WNK3: variants seen among roughly 807,000 people sequenced by gnomAD.
WNK3 encodes the protein serine/threonine-protein kinase WNK3.
WNK3 carries 18 observed loss-of-function variants against 116.7 expected under a neutral mutation model. The ratio of observed to expected loss-of-function variants is 0.15; its 90% CI spans 0.11 to 0.23. The LOEUF (loss-of-function observed/expected upper bound fraction) is 0.23, where lower values mean the gene tolerates loss of function less well. Among genes scored for constraint, WNK3 ranks in the 10% least tolerant of loss-of-function variants. The probability of loss-of-function intolerance (pLI) is 1.00; values close to 1 mark genes in which losing one functional copy is unlikely to be tolerated. For missense variants in WNK3, 993 were observed against 1,323.8 expected (o/e 0.75, Z 3.88); for synonymous variants, 404 against 469.4 (o/e 0.86, Z 1.80).
rs781816616 is a variant in WNK3 at position 54,331,545 on chromosome X, A to C, written c.537+1592T>G. ...CAATGTATACCATATAAAATTCTTAAAGGGTAAAAAGCAGGTGAGAAGAAA... is the reference window on the plus strand; with the variant it reads ...CAATGTATACCATATAAAATTCTTACAGGGTAAAAAGCAGGTGAGAAGAAA... On this transcript the variant is annotated intron_variant, in intron 2 of 23. Coordinates refer to ENST00000354646, the Ensembl canonical transcript of WNK3. Among the ~76,000 whole-genome samples the C allele has an allele frequency of 1.5e-4, 17 of 111,289 alleles. No homozygotes were observed. In the East Asian group the frequency reaches 4.5e-3, roughly 29 times the overall value.
intron 10 of WNK3, among the ~76,000 whole-genome samples, chrX:54,268,254 A>T (rs2068339690): frequency 9.0e-6 from 1 of 110,557 alleles, no homozygotes; most frequent in Admixed American, 9.7e-5. Context: ...GGCTGAGGCG[A>T]GGGGATCGCT....
Position 54,305,028 on chromosome X carries a change from G to A in WNK3, c.1089+2894C>T, listed in dbSNP as rs141982441. Among the ~76,000 whole-genome samples, 529 of 109,439 alleles carry A rather than the reference G, an allele frequency of 4.8e-3. 2 individuals are homozygous for A. The highest frequency in any genetic ancestry group is 0.016 in the African/African-American group (489 of 30,026). On this transcript the variant is annotated intron_variant, in intron 5 of 23. Transcript: ENST00000354646. ...TAGCCAGGTGTGGAGGCGCATGCCC[G>A]TAATCCCAGCTACTTGGGAGGCTGA...
At chrX:54,238,216 G>A in intron 19 of WNK3, 126 bp downstream of exon 19, 1 of 823,696 alleles carries the variant, frequency 1.2e-6, no homozygotes, top group South Asian at 3.3e-5. Context: ...TGGGCAACAA[G>A]AGTGAAACTC....
At chrX:54,346,800 T>TATA (rs1557177701) in intron 1 of WNK3, among the ~76,000 whole-genome samples, 1 of 111,207 alleles carries the variant, frequency 9.0e-6, no homozygotes, top group African/African-American at 3.3e-5. Flanking sequence ...CCAGGCACAA[T>TATA]ATAATAATCA....
Position 54,233,145 on chromosome X carries a change from C to T in WNK3, c.4629-125G>A, listed in dbSNP as rs887682189. The T allele has an allele frequency of 1.6e-5, 8 of 513,910 alleles. No individual in the cohort carries two copies. The African/African-American group carries it at 1.9e-4, about 12-fold the overall frequency. The allele number at this position is 513,910 out of a possible 1,213,427, so 42.4% of individuals were successfully genotyped here. A position where few individuals can be genotyped will look rare whatever the true frequency, so the allele number is the denominator to read the frequency against. On this transcript the variant is annotated intron_variant, in intron 20 of 23. Transcript: ENST00000354646. The stretch of plus-strand genomic sequence containing the variant: ...TAGATTAAGAATGGGGAAATAGAGA[C>T]TAGGCACAATGGCTTACATCCATAA...
At chrX:54,216,763 C>T (rs1429300660) in intron 22 of WNK3, among the ~76,000 whole-genome samples, 1 of 112,134 alleles carries the variant, frequency 8.9e-6, no homozygotes, top group Non-Finnish European at 1.9e-5. Context: ...AAAAGATATC[C>T]AGGCAAGGCA....
chrX:54,198,062 A>ATT, exon 24 of WNK3: 1 of 255,951 alleles, frequency 3.9e-6, no homozygotes, highest in East Asian at 6.1e-5. Context: ...TCTGAACAGT[A>ATT]TTTTTAAAAA....
chrX:54,212,833 T>C (rs1234456218), intron 22 of WNK3, among the ~76,000 whole-genome samples: 4 of 111,546 alleles, frequency 3.6e-5, no homozygotes, highest in Non-Finnish European at 5.6e-5. Context: ...AATGCAAATT[T>C]ACCTTAATAT....
At chrX:54,298,296 A>C in exon 7 of WNK3, 1 of 1,210,600 alleles carries the variant, frequency 8.3e-7, no homozygotes, top group Non-Finnish European at 1.1e-6. Flanking sequence ...TCTTAAAGCA[A>C]GGGATGAATT....
chrX:54,198,241 C>G, exon 24 of WNK3: 1 of 873,033 alleles, frequency 1.1e-6, no homozygotes, highest in Non-Finnish European at 1.5e-6. Context: ...ATGACAGAAC[C>G]CAAGAGGAAG....
At chrX:54,228,471 T>C (rs2067866104) in intron 22 of WNK3, among the ~76,000 whole-genome samples, 1 of 111,249 alleles carries the variant, frequency 9.0e-6, no homozygotes, top group Admixed American at 9.7e-5. Flanking sequence ...AGCAGATTTG[T>C]GGTTGCCTAG....
chrX:54,355,635 G>C (rs1447622903), intron 1 of WNK3, among the ~76,000 whole-genome samples: 1 of 111,046 alleles, frequency 9.0e-6, no homozygotes, highest in Non-Finnish European at 1.9e-5. Flanking sequence ...AGCAAAGGCA[G>C]AGAGAGAAAC....
chrX:54,289,361 A>T (rs1440627171), intron 10 of WNK3, among the ~76,000 whole-genome samples: 1 of 110,849 alleles, frequency 9.0e-6, no homozygotes, highest in East Asian at 2.8e-4. Context: ...CATATCACAA[A>T]GGGCAGCTGC....
At chrX:54,333,630 T>C in exon 2 of WNK3, 2 of 1,203,443 alleles carry the variant, frequency 1.7e-6, no homozygotes, top group Non-Finnish European at 2.2e-6. Context: ...ATCAGGTTTC[T>C]CAGAATCTTC....
intron 1 of WNK3, among the ~76,000 whole-genome samples, chrX:54,341,424 A>C (rs1238721401): frequency 1.8e-5 from 2 of 109,860 alleles, no homozygotes; most frequent in Non-Finnish European, 3.8e-5. Flanking sequence ...TTACTGGGCA[A>C]TAAAAACGAA....
chrX:54,341,752 TACAGAA>T (rs1301028816), intron 1 of WNK3, among the ~76,000 whole-genome samples: 1 of 110,959 alleles, frequency 9.0e-6, no homozygotes, highest in Non-Finnish European at 1.9e-5. Context: ...AATACAAAAC[TACAGAA>T]ACAGAAAATA....
Position 54,254,159 on chromosome X carries a change from C to T in WNK3, c.2251-84G>A, listed in dbSNP as rs1019199386. On this transcript the variant is annotated intron_variant, in intron 12 of 23. Transcript: ENST00000354646. The stretch of plus-strand genomic sequence containing the variant: ...TGCAAGGAACATCTACACTAGTTCA[C>T]GTACAATATATGTGGAAAATGGCTT... 17 of 548,143 alleles carry T rather than the reference C, an allele frequency of 3.1e-5. No homozygotes were observed. In the African/African-American group the frequency reaches 3.4e-4, roughly 11 times the overall value. 45.2% of individuals were successfully genotyped at this position (548,143 alleles called of 1,213,427 possible).
chrX:54,321,008 T>C (rs781909060), intron 2 of WNK3, among the ~76,000 whole-genome samples: 1 of 110,867 alleles, frequency 9.0e-6, no homozygotes, highest in East Asian at 2.9e-4. Flanking sequence ...GCAATTCTCC[T>C]GCCTCAGCCT....
At chrX:54,209,456 T>TAAAC (rs2067589297) in intron 22 of WNK3, among the ~76,000 whole-genome samples, 1 of 73,451 alleles carries the variant, frequency 1.4e-5, no homozygotes, top group South Asian at 7.4e-4. Context: ...AATAAATAAA[T>TAAAC]AAACATAGCA....
Sources: allele counts gnomAD v4.1 joint callset (sites outside exome capture counted in the v4.1 genomes callset), GRCh38; gene constraint gnomAD v4.1.1; transcripts MANE v1.5; gene names NCBI Gene and HGNC (gene_info 2026-07-23, HGNC 2026-07-21).